Variants in TBC1D14 observed in about 807,000 individuals in gnomAD.
TBC1D14 encodes the protein TBC1 domain family member 14, also known as TBC1 domain family, member 14.
Under a neutral mutation model 79.0 loss-of-function variants are expected in TBC1D14, and 26 were observed. The ratio of observed to expected loss-of-function variants is 0.33; its 90% CI spans 0.24 to 0.46. The LOEUF is 0.46. Ranked by LOEUF, TBC1D14 falls within the 20% of genes least tolerant of loss-of-function variation. TBC1D14 has a pLI of 1.00. For missense variants in TBC1D14, 769 were observed against 887.6 expected (o/e 0.87, Z 1.70); for synonymous variants, 394 against 349.9 (o/e 1.13, Z -1.40).
At chr4:7,005,294 G>A (rs907148743) in intron 8 of TBC1D14, among the ~76,000 whole-genome samples, 6 of 152,328 alleles carry the variant, frequency 3.9e-5, no homozygotes, top group Admixed American at 3.3e-4. Context: ...CCAGCACTTT[G>A]GGAGGCTGAG....
intron 2 of TBC1D14, among the ~76,000 whole-genome samples, chr4:6,953,883 C>T (rs1012176053): frequency 1.3e-5 from 2 of 152,034 alleles, no homozygotes; most frequent in African/African-American, 4.8e-5. Context: ...GTGTGCTTGG[C>T]GCTTTTCCAG....
intron 12 of TBC1D14, among the ~76,000 whole-genome samples, chr4:7,022,704 G>T (rs540430003): frequency 2.4e-4 from 36 of 152,228 alleles, no homozygotes; most frequent in Non-Finnish European, 4.0e-4. Flanking sequence ...AGAGCAGGGG[G>T]CATCGTGGGC....
At chr4:6,968,212 C>T (rs961468812) in intron 3 of TBC1D14, among the ~76,000 whole-genome samples, 25 of 152,244 alleles carry the variant, frequency 1.6e-4, no homozygotes, top group Admixed American at 7.8e-4. Context: ...CTCCACTAAG[C>T]GCCAGGCCTC....
chr4:6,931,527 T>C lies in TBC1D14; in HGVS notation c.722+7416T>C, dbSNP rs74703536. Among the ~76,000 whole-genome samples, 1,213 of 152,270 alleles carry C rather than the reference T, an allele frequency of 8.0e-3. 12 individuals carry two copies. The highest frequency in any genetic ancestry group is 0.013 in the Non-Finnish European group (884 of 68,012). On this transcript the variant is annotated intron_variant, in intron 2 of 13. Transcript: ENST00000409757. ...GAAAGGAGCCATAGGACGCCAGCTGTGTATGTGCTGGACACACACAGGAGG... is the reference window on the plus strand; with the variant it reads ...GAAAGGAGCCATAGGACGCCAGCTGCGTATGTGCTGGACACACACAGGAGG...
At chr4:6,911,845 G>T (rs1009907209) in intron 1 of TBC1D14, among the ~76,000 whole-genome samples, 20 of 152,178 alleles carry the variant, frequency 1.3e-4, no homozygotes, top group African/African-American at 4.8e-4. Context: ...CAGGTCGGGG[G>T]TTGCTTGGGG....
In TBC1D14 at chr4:7,014,508, G is replaced by T. The variant is rs768844987; in HGVS notation, c.1708G>T (p.Ala570Ser). The T allele has an allele frequency of 6.2e-7, 1 of 1,614,032 alleles. No homozygotes were observed. ...TGAAGAAAATTTGCCGAAATTATTT[G>T]CGCATTTCAAGAAGAACAACCTAAC... The part of the protein sequence containing the change: ...FFEENLPKLF[A>S]HFKKNNLTPD... Residue 570 changes from alanine (A) to serine (S), a missense_variant, in exon 12 of 14, where the codon GCG becomes TCG. This residue lies in a region of TBC1D14 where 367 missense variants were observed against 494.4 expected (regional missense o/e 0.74). Coordinates refer to ENST00000409757, the MANE Select transcript of TBC1D14 (RefSeq NM_020773.3).
chr4:7,018,591 C>G (rs184126926), intron 12 of TBC1D14, among the ~76,000 whole-genome samples: 1 of 152,242 alleles, frequency 6.6e-6, no homozygotes, highest in East Asian at 1.9e-4. Context: ...TCACCTTCCT[C>G]GGTCCCTTTT....
chr4:6,966,185 G>C (rs1715684308), intron 2 of TBC1D14, among the ~76,000 whole-genome samples: 1 of 152,218 alleles, frequency 6.6e-6, no homozygotes, highest in Non-Finnish European at 1.5e-5. Flanking sequence ...AGCCTATTCA[G>C]GCTGGCTACT....
Position 7,033,070 on chromosome 4 carries a change from G to A in TBC1D14, c.*2678G>A, listed in dbSNP as rs1723205219. ...TATCAAAGTAGGACTTTTTTGAATT[G>A]TAAATAGGTGGTTTTATTAAATAAA... On this transcript the variant is annotated 3_prime_UTR_variant, in exon 14 of 14. Transcript: ENST00000409757. 6.6e-6 allele frequency: 1 copy of A among 152,566 alleles called. No homozygotes were observed. 9.5% of individuals were successfully genotyped at this position (152,566 alleles called of 1,614,324 possible).
intron 3 of TBC1D14, among the ~76,000 whole-genome samples, chr4:6,978,541 A>G (rs964377429): frequency 6.7e-6 from 1 of 149,280 alleles, no homozygotes; most frequent in African/African-American, 2.5e-5. Context: ...GCTTGAAGGC[A>G]GCATGCTCGT....
chr4:7,004,814 G>A (rs2301819), intron 7 of TBC1D14, 30 bp from the exon 8 acceptor site: 249,098 of 1,610,744 alleles, frequency 0.15, 20,350 homozygotes, highest in Middle Eastern at 0.24. Context: ...ACATGTGCAC[G>A]TAATACTTAC....
At chr4:6,999,553 C>T (rs142231171) in intron 6 of TBC1D14, among the ~76,000 whole-genome samples, 1,809 of 152,234 alleles carry the variant, frequency 0.012, 16 homozygotes, top group Middle Eastern at 0.037. Flanking sequence ...CTGCCTTCCT[C>T]GGCAGCCTCA....
chr4:6,920,162 T>G (rs1263064966), intron 1 of TBC1D14, among the ~76,000 whole-genome samples: 4 of 152,214 alleles, frequency 2.6e-5, no homozygotes, highest in Admixed American at 2.6e-4. Flanking sequence ...AGTCTATTTC[T>G]GAATTCTGCA....
intron 2 of TBC1D14, among the ~76,000 whole-genome samples, chr4:6,926,499 T>C (rs1025354870): frequency 2.0e-5 from 3 of 152,248 alleles, no homozygotes; most frequent in Admixed American, 6.5e-5. Context: ...CTTTTATTCC[T>C]TGGTTCCTTA....
upstream of TBC1D14, chr4:6,909,798 C>T (rs901855040): frequency 1.3e-5 from 2 of 148,416 alleles, no homozygotes; most frequent in East Asian, 3.9e-4. Context: ...GGGTGCGCGC[C>T]GCTGTTCGCC....
At chr4:6,950,008 C>G (rs1713878972) in intron 2 of TBC1D14, among the ~76,000 whole-genome samples, 1 of 152,110 alleles carries the variant, frequency 6.6e-6, no homozygotes, top group Admixed American at 6.5e-5. Flanking sequence ...AACCTGTTAT[C>G]TGGGTTTCAA....
chr4:7,031,812 C>G lies in TBC1D14; in HGVS notation c.*1420C>G, dbSNP rs532345666. ...TCCCACCCCAGGGGGTGCCCCCAGG[C>G]TGATCTCATTTCTGATGTTGAGGGC... On this transcript the variant is annotated 3_prime_UTR_variant, in exon 14 of 14. Coordinates refer to ENST00000409757, the MANE Select transcript of TBC1D14 (RefSeq NM_020773.3). 6.6e-6 allele frequency: 1 copy of G among 152,574 alleles called. No individual in the cohort carries two copies. The highest frequency in any genetic ancestry group is 1.9e-4 in the East Asian group (1 of 5,182). The allele number at this position is 152,574 out of a possible 1,614,324, so 9.5% of individuals were successfully genotyped here. A position where few individuals can be genotyped will look rare whatever the true frequency, so the allele number is the denominator to read the frequency against.
rs1027885057 is a variant in TBC1D14 at position 6,983,279 on chromosome 4, T to A, written c.844-10905T>A. ...GAGCCACCGTACCCGGCCTTTAAAA[T>A]ATATATATATATTTTTAATGTGTAG... is the stretch of plus-strand genomic sequence containing the variant. On this transcript the variant is annotated intron_variant, in intron 3 of 13. Coordinates refer to ENST00000409757, the MANE Select transcript of TBC1D14 (RefSeq NM_020773.3). Among the ~76,000 whole-genome samples the A allele has an allele frequency of 3.5e-4, 53 of 151,786 alleles. 1 individual carries two copies. Among genetic ancestry groups the A allele is most frequent in the African/African-American group, 1.2e-3 (50 of 41,354 alleles).
chr4:6,944,520 G>C lies in TBC1D14; in HGVS notation c.722+20409G>C, dbSNP rs368043940. On this transcript the variant is annotated intron_variant, in intron 2 of 13. Coordinates refer to ENST00000409757, the MANE Select transcript of TBC1D14 (RefSeq NM_020773.3). ...GTCAGCTCTGGCCTGTCCTCCCTGGGGTGATGGCCCTGCCGGGAGCCGTCT... is the reference window on the plus strand; with the variant it reads ...GTCAGCTCTGGCCTGTCCTCCCTGGCGTGATGGCCCTGCCGGGAGCCGTCT... Among the ~76,000 whole-genome samples the C allele has an allele frequency of 2.8e-4, 43 of 152,300 alleles. No individual in the cohort carries two copies. In the East Asian group the frequency reaches 7.9e-3, roughly 28 times the overall value.
Sources: gnomAD v4.1 joint callset for allele counts (sites outside exome capture counted in the v4.1 genomes callset) on GRCh38, gnomAD v4.1.1 for gene constraint, gnomAD v4.1.1 regional missense constraint, MANE v1.5 for transcripts, NCBI Gene and HGNC (gene_info 2026-07-23, HGNC 2026-07-21) for gene names.